Variants in EIF4ENIF1 observed in about 807,000 individuals in gnomAD.
The protein encoded by EIF4ENIF1 is eukaryotic translation initiation factor 4E nuclear import factor 1, also known as eukaryotic translation initiation factor 4E transporter.
In EIF4ENIF1, 23 loss-of-function variants were observed where a neutral mutation model predicts 110.5. That is an observed-to-expected ratio of 0.21 (90% CI 0.15 to 0.29). EIF4ENIF1 has a LOEUF of 0.29. Ranked by LOEUF, EIF4ENIF1 falls within the 10% of genes least tolerant of loss-of-function variation. The pLI, the probability that EIF4ENIF1 is intolerant of heterozygous loss-of-function variation, is 1.00. For synonymous variants in EIF4ENIF1, 440 were observed against 437.0 expected (o/e 1.01, Z -0.09); for missense variants, 1,031 against 1,221.1 (o/e 0.84, Z 2.32).
At chr22:31,467,059 C>G (rs1251469603) in intron 4 of EIF4ENIF1, among the ~76,000 whole-genome samples, 3 of 152,152 alleles carry the variant, frequency 2.0e-5, no homozygotes, top group Non-Finnish European at 4.4e-5. Context: ...ATAAACACAT[C>G]TGCAACATGG....
Position 31,468,256 on chromosome 22 carries a change from C to T in EIF4ENIF1, c.217G>A (p.Ala73Thr). Residue 73 changes from alanine (A) to threonine (T), a missense_variant, in exon 4 of 19, where the codon GCT (alanine) becomes ACT (threonine). Ala to Thr is a moderately conservative substitution (Grantham distance 58). Transcript: ENST00000330125. ...TCCACTGGTGAGCTCCGCCCTGAAGCTGGGTAGAGAGAGGCATGCCACTTC... is the reference window on the plus strand; with the variant it reads ...TCCACTGGTGAGCTCCGCCCTGAAGTTGGGTAGAGAGAGGCATGCCACTTC... ...PEKWHASLYPASGRSSPVESL... is the reference protein window; with the variant it reads ...PEKWHASLYPTSGRSSPVESL... 3 of 1,614,206 alleles carry T rather than the reference C, an allele frequency of 1.9e-6. No individual in the cohort carries two copies. Among genetic ancestry groups the T allele is most frequent in the Non-Finnish European group, 1.7e-6 (2 of 1,180,046 alleles).
Position 31,449,416 on chromosome 22 carries a change from A to G in EIF4ENIF1, c.1700T>C (p.Leu567Ser), listed in dbSNP as rs975416336. The G allele has an allele frequency of 3.7e-6, 6 of 1,614,188 alleles. No individual in the cohort carries two copies. The highest frequency in any genetic ancestry group is 4.5e-5 in the East Asian group (2 of 44,880). ...LLGQRAPSPP[L>S]SQVFQTRAAS... ...TGCTCGAGTTTGAAACACCTGTGAC[A>G]AGGGAGGAGAGGGTGCTCTTTGGCC... Residue 567 changes from leucine to serine, a missense_variant, in exon 12 of 19, where the codon TTG becomes TCG. Physicochemically the swap from Leu to Ser is moderately radical, Grantham distance 145. Coordinates refer to ENST00000330125, the MANE Select transcript of EIF4ENIF1 (RefSeq NM_019843.4).
downstream of EIF4ENIF1, among the ~76,000 whole-genome samples, chr22:31,438,203 G>C (rs1161280492): frequency 6.6e-6 from 1 of 152,112 alleles, no homozygotes; most frequent in African/African-American, 2.4e-5. Flanking sequence ...CAAATATCTA[G>C]AACTCTGGTA....
intron 2 of EIF4ENIF1, among the ~76,000 whole-genome samples, chr22:31,475,263 T>C (rs900411314): frequency 7.2e-6 from 1 of 138,004 alleles, no homozygotes; most frequent in Admixed American, 7.6e-5. Context: ...CTGTTCAAAA[T>C]TCTGAAAAAA....
At chr22:31,464,811 A>C (rs547071775) in intron 4 of EIF4ENIF1, among the ~76,000 whole-genome samples, 9 of 149,146 alleles carry the variant, frequency 6.0e-5, no homozygotes, top group African/African-American at 2.2e-4. Flanking sequence ...AACAAAATAT[A>C]GGAGGAAATC....
At chr22:31,444,465 TAGAC>T (rs2050398989) in intron 15 of EIF4ENIF1, 137 bp downstream of exon 15, 3 of 775,320 alleles carry the variant, frequency 3.9e-6, no homozygotes, top group Non-Finnish European at 6.7e-6. Context: ...AAAGACCTAA[TAGAC>T]AGTTATGAAA....
intron 4 of EIF4ENIF1, among the ~76,000 whole-genome samples, chr22:31,466,642 T>TG (rs59271217): frequency 0.017 from 930 of 55,594 alleles, 10 homozygotes; most frequent in African/African-American, 0.046. Flanking sequence ...GGAAGTGTTG[T>TG]GGGGGGGGCA....
intron 4 of EIF4ENIF1, among the ~76,000 whole-genome samples, chr22:31,464,701 T>TAA (rs2051123951): frequency 5.5e-5 from 2 of 36,496 alleles, no homozygotes; most frequent in African/African-American, 1.7e-4. Context: ...AAAAAAAAAA[T>TAA]ATATATATAT....
chr22:31,478,653 T>C (rs1256562642), intron 2 of EIF4ENIF1, among the ~76,000 whole-genome samples: 10 of 122,082 alleles, frequency 8.2e-5, no homozygotes, highest in Non-Finnish European at 1.4e-4. Flanking sequence ...CTGTCTCTAC[T>C]GAAAATACAA....
intron 2 of EIF4ENIF1, among the ~76,000 whole-genome samples, chr22:31,487,572 G>A (rs899997061): frequency 1.3e-5 from 2 of 151,986 alleles, no homozygotes; most frequent in Non-Finnish European, 1.5e-5. Flanking sequence ...CAAGGTGGGC[G>A]GATTGCTTAA....
In EIF4ENIF1 at chr22:31,442,128, A is replaced by G; in HGVS notation, c.2207-10T>C. 2 of 1,585,634 alleles carry G rather than the reference A, an allele frequency of 1.3e-6. No individual in the cohort carries two copies. On this transcript the variant is annotated splice_polypyrimidine_tract_variant and intron_variant, in intron 16 of 18. Coordinates refer to ENST00000330125, the MANE Select transcript of EIF4ENIF1 (RefSeq NM_019843.4). ...GATGACAGGAGGTTTTCTGTGAGGA[A>G]CCAAACAAAAAATATTTTGGCAAAC...
chr22:31,447,666 GA>G (rs1326446108), intron 13 of EIF4ENIF1, 101 bp from the exon 14 acceptor site: 2 of 1,345,482 alleles, frequency 1.5e-6, no homozygotes, highest in Admixed American at 2.9e-5. Flanking sequence ...AGCAGAAGCT[GA>G]AAAAAATTAG....
intron 10 of EIF4ENIF1, among the ~76,000 whole-genome samples, chr22:31,452,681 A>G (rs928348848): frequency 2.0e-5 from 3 of 152,246 alleles, no homozygotes; most frequent in African/African-American, 7.2e-5. Flanking sequence ...AAATGTAACG[A>G]GAAAGGAAAA....
intron 2 of EIF4ENIF1, among the ~76,000 whole-genome samples, chr22:31,476,092 C>A (rs9609291): frequency 6.6e-6 from 1 of 152,228 alleles, no homozygotes; most frequent in African/African-American, 2.4e-5. Context: ...ATAGGAAATA[C>A]TTATACATAA....
In EIF4ENIF1 at chr22:31,472,057, G is replaced by C. The variant is rs73398226; in HGVS notation, c.97-140C>G. 40 of 646,154 alleles carry C rather than the reference G, an allele frequency of 6.2e-5. No homozygotes were observed. In the African/African-American group the frequency reaches 6.6e-4, roughly 11 times the overall value. The allele number at this position is 646,154 out of a possible 1,614,324, so 40.0% of individuals were successfully genotyped here. On this transcript the variant is annotated intron_variant, in intron 2 of 18. Transcript: ENST00000330125. Reference sequence around the variant, plus strand: ...TTACATCTTGCCTTATTTCAGAAAGGACTGGAGTACATTGAGGTTCTCACA... The same window carrying C: ...TTACATCTTGCCTTATTTCAGAAAGCACTGGAGTACATTGAGGTTCTCACA...
At chr22:31,492,259 C>T (rs2052292612), upstream of EIF4ENIF1, among the ~76,000 whole-genome samples, 1 of 152,232 alleles carries the variant, frequency 6.6e-6, no homozygotes, top group Non-Finnish European at 1.5e-5. Flanking sequence ...AGTTCTACCA[C>T]GTGCCACATT....
At chr22:31,448,810 A>T (rs2050558052) in intron 12 of EIF4ENIF1, among the ~76,000 whole-genome samples, 1 of 152,196 alleles carries the variant, frequency 6.6e-6, no homozygotes, top group Non-Finnish European at 1.5e-5. Flanking sequence ...ATAGATAACC[A>T]CTACACTGAC....
chr22:31,486,246 G>A (rs1043839977), intron 2 of EIF4ENIF1, among the ~76,000 whole-genome samples: 9 of 150,800 alleles, frequency 6.0e-5, no homozygotes, highest in Admixed American at 2.7e-4. Context: ...CTCCAGCCTC[G>A]GCGACAAGAG....
At chr22:31,443,773 T>G (rs2050377466) in intron 15 of EIF4ENIF1, among the ~76,000 whole-genome samples, 1 of 151,684 alleles carries the variant, frequency 6.6e-6, no homozygotes, top group Non-Finnish European at 1.5e-5. Flanking sequence ...CTATCGGCTT[T>G]GATTAGATGA....
Sources: allele counts gnomAD v4.1 joint callset (sites outside exome capture counted in the v4.1 genomes callset), GRCh38; gene constraint gnomAD v4.1.1; transcripts MANE v1.5; gene names NCBI Gene and HGNC (gene_info 2026-07-23, HGNC 2026-07-21).